The following NBAS variants were observed in gnomAD, a reference collection of about 807,000 sequenced individuals.
NBAS encodes the protein NAG/BC035112 fusion.
A neutral mutation model predicts 302.5 loss-of-function variants in NBAS; 219 were observed. The observed-to-expected ratio is 0.72, with a 90% CI of 0.65 to 0.81. The LOEUF (loss-of-function observed/expected upper bound fraction) is 0.81. Among genes scored for constraint, NBAS ranks in the 30% least tolerant of loss-of-function variants. The probability of loss-of-function intolerance (pLI) is 0.00; values close to 1 mark genes in which losing one functional copy is unlikely to be tolerated. For synonymous variants in NBAS, 1,118 were observed against 1,021.6 expected, an observed-to-expected ratio of 1.09 and a Z score of -1.80; for missense variants, 2,932 against 2,841.6, an observed-to-expected ratio of 1.03 and a Z score of -0.72.
At chr2:14,925,088 T>A in the NBAS span, among the ~76,000 whole-genome samples, 1 of 152,206 alleles carries the variant, frequency 6.6e-6, no homozygotes, top group Middle Eastern at 3.2e-3. Context: ...ATTACAGGTG[T>A]GTTCCCCAAG....
At chr2:15,328,349 G>C in intron 36 of NBAS, 37 bp from the exon 37 acceptor site, 3 of 1,517,546 alleles carry the variant, frequency 2.0e-6, no homozygotes, top group African/African-American at 2.7e-5. Flanking sequence ...TGGATAAAAA[G>C]AAAGAGAAGG....
At chr2:14,927,381 C>T in the NBAS span, among the ~76,000 whole-genome samples, 13 of 152,308 alleles carry the variant, frequency 8.5e-5, no homozygotes, top group East Asian at 9.6e-4. Context: ...TTCATCTATG[C>T]TAAGCATATG....
intron 3 of NBAS, among the ~76,000 whole-genome samples, chr2:15,554,391 C>T (rs1003380635): frequency 6.6e-6 from 1 of 151,870 alleles, no homozygotes; most frequent in African/African-American, 2.4e-5. Context: ...AGGTAACAGA[C>T]ATCTAGCATA....
chr2:14,933,809 A>G, the NBAS span, among the ~76,000 whole-genome samples: 18 of 152,202 alleles, frequency 1.2e-4, no homozygotes, highest in African/African-American at 4.3e-4. Context: ...TCATCCTGAT[A>G]TTAGAAACCT....
the NBAS span, among the ~76,000 whole-genome samples, chr2:14,913,817 G>T: frequency 1.3e-5 from 2 of 152,148 alleles, no homozygotes; most frequent in African/African-American, 4.8e-5. Flanking sequence ...TTAGAAGAAA[G>T]ACACCAAAGA....
intron 9 of NBAS, among the ~76,000 whole-genome samples, chr2:15,524,327 T>G (rs1161228766): frequency 6.6e-6 from 1 of 152,216 alleles, no homozygotes; most frequent in Non-Finnish European, 1.5e-5. Context: ...AACTGTGCTA[T>G]GGGGTGCAAG....
chr2:15,299,011 G>C (rs912199687), intron 40 of NBAS, among the ~76,000 whole-genome samples: 4 of 152,090 alleles, frequency 2.6e-5, no homozygotes, highest in African/African-American at 9.7e-5. Flanking sequence ...GAATCACTCG[G>C]AAGTCTTGGT....
At chr2:15,060,885 A>G in the NBAS span, among the ~76,000 whole-genome samples, 4 of 152,204 alleles carry the variant, frequency 2.6e-5, no homozygotes, top group Non-Finnish European at 5.9e-5. Flanking sequence ...ACTTCCCAGT[A>G]AACAAAATTG....
intron 31 of NBAS, among the ~76,000 whole-genome samples, chr2:15,374,164 A>C (rs944132126): frequency 6.6e-6 from 1 of 152,230 alleles, no homozygotes; most frequent in Non-Finnish European, 1.5e-5. Context: ...CTCTTTTAAA[A>C]AAATAGATGG....
At chr2:15,049,451 T>G in the NBAS span, among the ~76,000 whole-genome samples, 1 of 152,144 alleles carries the variant, frequency 6.6e-6, no homozygotes, top group Admixed American at 6.5e-5. Flanking sequence ...CAGTGACTCA[T>G]CACCTGTGGG....
chr2:15,487,573 A>G (rs1680685282), intron 12 of NBAS, among the ~76,000 whole-genome samples: 1 of 152,194 alleles, frequency 6.6e-6, no homozygotes, highest in South Asian at 2.1e-4. Context: ...TGTAGGGTCA[A>G]CTGTGTCAGT....
chr2:15,287,122 G>A lies in NBAS; in HGVS notation c.5089C>T (p.Arg1697Cys), dbSNP rs775517783. 25 of 1,613,866 alleles carry A rather than the reference G, an allele frequency of 1.5e-5. No individual in the cohort carries two copies. Among genetic ancestry groups the A allele is most frequent in the South Asian group, 6.6e-5 (6 of 91,074 alleles). Residue 1697 changes from arginine (R) to cysteine (C), a missense_variant, in exon 42 of 52, where the codon CGC (arginine) becomes TGC (cysteine). Transcript: ENST00000281513. Reference sequence around the variant, plus strand: ...AAATGGGTCATAAAAACTTCCCAGCGGGAGACACTGTAACGTTGTGCCAGA... The same window carrying A: ...AAATGGGTCATAAAAACTTCCCAGCAGGAGACACTGTAACGTTGTGCCAGA... ...ISLAQRYSVSRWEVFMTHLEF... is the reference protein window; with the variant it reads ...ISLAQRYSVSCWEVFMTHLEF...
chr2:15,116,978 TCTC>T, the NBAS span, among the ~76,000 whole-genome samples: 2 of 152,188 alleles, frequency 1.3e-5, no homozygotes, highest in African/African-American at 4.8e-5. Context: ...TCATTAATTC[TCTC>T]CTACTTCCCT....
intron 44 of NBAS, among the ~76,000 whole-genome samples, chr2:15,242,753 T>C (rs888036833): frequency 6.6e-6 from 1 of 152,078 alleles, no homozygotes; most frequent in Non-Finnish European, 1.5e-5. Context: ...ATATCATTAC[T>C]ATAATATCAA....
the NBAS span, among the ~76,000 whole-genome samples, chr2:14,952,995 G>A: frequency 5.3e-5 from 8 of 152,226 alleles, no homozygotes; most frequent in African/African-American, 1.9e-4. Flanking sequence ...AGATGGAGAG[G>A]TAGCAGTTCA....
At chr2:15,272,999 A>G (rs1029679040) in intron 44 of NBAS, among the ~76,000 whole-genome samples, 8 of 152,232 alleles carry the variant, frequency 5.3e-5, no homozygotes, top group African/African-American at 1.9e-4. Flanking sequence ...ATACTTAATC[A>G]TAAATAAAAG....
chr2:14,823,536 C>T, the NBAS span, among the ~76,000 whole-genome samples: 79 of 152,322 alleles, frequency 5.2e-4, 1 homozygote, highest in African/African-American at 1.8e-3. Flanking sequence ...AAAGCCAGAG[C>T]TAAACCACAA....
the NBAS span, among the ~76,000 whole-genome samples, chr2:15,063,474 A>T: frequency 6.6e-6 from 1 of 152,098 alleles, no homozygotes; most frequent in African/African-American, 2.4e-5. Context: ...CTTTTTGATC[A>T]TCACATTTTT....
intron 5 of NBAS, 32 bp from the exon 6 acceptor site, chr2:15,551,568 T>C: frequency 6.4e-7 from 1 of 1,560,274 alleles, no homozygotes; most frequent in Non-Finnish European, 8.8e-7. Flanking sequence ...GGCAAAAGTT[T>C]TATCGTAACA....
Sources: gnomAD v4.1 joint callset for allele counts (sites outside exome capture counted in the v4.1 genomes callset) on GRCh38, gnomAD v4.1.1 for gene constraint, MANE v1.5 for transcripts, NCBI Gene and HGNC (gene_info 2026-07-23, HGNC 2026-07-21) for gene names.